The following MAML3 variants were observed in gnomAD, a reference collection of about 807,000 sequenced individuals.
MAML3 encodes mastermind like transcriptional coactivator 3.
MAML3 carries 27 observed loss-of-function variants against 101.9 expected under a neutral mutation model. The observed-to-expected ratio is 0.27, with a 90% CI of 0.20 to 0.37. MAML3 has a LOEUF of 0.37. MAML3 is among the 10% of genes least tolerant of loss of function. The probability of loss-of-function intolerance (pLI) is 1.00; values close to 1 mark genes in which losing one functional copy is unlikely to be tolerated. For synonymous variants in MAML3, 501 were observed against 555.9 expected (o/e 0.90, Z 1.39); for missense variants, 1,316 against 1,444.9 (o/e 0.91, Z 1.45).
intron 2 of MAML3, among the ~76,000 whole-genome samples, chr4:139,747,280 G>C (rs1205203532): frequency 6.6e-6 from 1 of 152,172 alleles, no homozygotes; most frequent in African/African-American, 2.4e-5. Flanking sequence ...TGGGAGGAGG[G>C]AGAAGAGTGC....
At chr4:139,926,197 A>T (rs971143937) in intron 1 of MAML3, among the ~76,000 whole-genome samples, 2 of 152,252 alleles carry the variant, frequency 1.3e-5, no homozygotes, top group Admixed American at 1.3e-4. Context: ...ACAAGTGGAA[A>T]CAATAGATGT....
intron 2 of MAML3, among the ~76,000 whole-genome samples, chr4:139,811,411 G>A (rs1054597771): frequency 1.3e-5 from 2 of 152,136 alleles, no homozygotes; most frequent in Admixed American, 6.5e-5. Context: ...CTGGAGTTAC[G>A]GTCTGGATCT....
At position 139,755,826 on chromosome 4, in the gene MAML3, A is replaced by T. The variant is rs6831959; in HGVS notation, c.2080-25159T>A. Among the ~76,000 whole-genome samples, 237 of 152,076 alleles carry T rather than the reference A, an allele frequency of 1.6e-3. 4 individuals are homozygous for T. In the East Asian group the frequency reaches 0.038, roughly 25 times the overall value. Reference sequence around the variant, plus strand: ...TTGTATGAATTTTAGGCAATGGATCAAGATATGGCAACAGTTAAAATAAAA... The same window carrying T: ...TTGTATGAATTTTAGGCAATGGATCTAGATATGGCAACAGTTAAAATAAAA... On this transcript the variant is annotated intron_variant, in intron 2 of 4. Transcript: ENST00000509479.
At position 139,785,143 on chromosome 4, in the gene MAML3, T is replaced by C. The variant is rs1730283481; in HGVS notation, c.2080-54476A>G. On this transcript the variant is annotated intron_variant, in intron 2 of 4. Coordinates refer to ENST00000509479, the MANE Select transcript of MAML3 (RefSeq NM_018717.5). The surrounding 1 kb of genome is among the most constrained non-coding windows in gnomAD (Gnocchi z 4.3). Reference sequence around the variant, plus strand: ...CAAACACTCATGAGGCCAGGGCCGATACCTGGATTCCTAACTGACAGACAC... The same window carrying C: ...CAAACACTCATGAGGCCAGGGCCGACACCTGGATTCCTAACTGACAGACAC... 6.6e-6 allele frequency among the ~76,000 whole-genome samples: 1 copy of C among 152,222 alleles called. No homozygotes were observed. The highest frequency in any genetic ancestry group is 6.5e-5 in the Admixed American group (1 of 15,290).
intron 2 of MAML3, among the ~76,000 whole-genome samples, chr4:139,855,150 A>T (rs890831163): frequency 6.6e-6 from 1 of 152,218 alleles, no homozygotes; most frequent in Non-Finnish European, 1.5e-5. Context: ...GATTCATCAG[A>T]GGATGAATGG....
chr4:140,057,328 T>C (rs1302893350), intron 1 of MAML3, among the ~76,000 whole-genome samples: 1 of 152,120 alleles, frequency 6.6e-6, no homozygotes, highest in Non-Finnish European at 1.5e-5. Flanking sequence ...GCCAGAAGAT[T>C]TTTTTTTCTG....
intron 1 of MAML3, among the ~76,000 whole-genome samples, chr4:140,145,861 C>A (rs1036224718): frequency 5.5e-5 from 4 of 73,340 alleles, no homozygotes; most frequent in African/African-American, 1.6e-4. Context: ...CTGCGCCTGG[C>A]CTTTTTTTTC....
At chr4:139,732,149 A>T (rs1364316247) in intron 2 of MAML3, among the ~76,000 whole-genome samples, 1 of 152,226 alleles carries the variant, frequency 6.6e-6, no homozygotes, top group Admixed American at 6.5e-5. Flanking sequence ...AAATTTTTAA[A>T]TCCAAATTGG....
At chr4:140,001,227 C>T (rs1578637332) in intron 1 of MAML3, among the ~76,000 whole-genome samples, 1 of 152,278 alleles carries the variant, frequency 6.6e-6, no homozygotes. Context: ...GTTTTAGCCA[C>T]GTTCAGTTCT....
chr4:139,826,624 C>T lies in MAML3; in HGVS notation c.2079+62733G>A, dbSNP rs72730245. 6.8e-3 allele frequency among the ~76,000 whole-genome samples: 1,040 copies of T among 152,270 alleles called. 12 individuals carry two copies. Among genetic ancestry groups the T allele is most frequent in the South Asian group, 0.03 (143 of 4,818 alleles). ...GTTCCCTCAGACAACTATCTGCATA[C>T]GAACAGCCTGCGCAGAGGCTCCCTG... On this transcript the variant is annotated intron_variant, in intron 2 of 4. Coordinates refer to ENST00000509479, the MANE Select transcript of MAML3 (RefSeq NM_018717.5).
intron 1 of MAML3, among the ~76,000 whole-genome samples, chr4:140,049,300 C>T (rs959798595): frequency 2.0e-5 from 3 of 152,208 alleles, no homozygotes; most frequent in African/African-American, 7.2e-5. Context: ...GAGGAGGACC[C>T]ACCGGTCACA....
At chr4:139,859,343 G>A (rs1025597180) in intron 2 of MAML3, among the ~76,000 whole-genome samples, 1 of 151,204 alleles carries the variant, frequency 6.6e-6, no homozygotes, top group Non-Finnish European at 1.5e-5. Flanking sequence ...CCTCCTGCCG[G>A]AGTAGCATAG....
chr4:140,078,661 A>T (rs1460550470), intron 1 of MAML3, among the ~76,000 whole-genome samples: 1 of 152,244 alleles, frequency 6.6e-6, no homozygotes, highest in East Asian at 1.9e-4. Context: ...CCTGGAAAAG[A>T]GGGACTAGAG....
intron 2 of MAML3, among the ~76,000 whole-genome samples, chr4:139,757,044 C>T (rs1729670395): frequency 6.6e-6 from 1 of 152,286 alleles, no homozygotes; most frequent in South Asian, 2.1e-4. Flanking sequence ...CCTCTGTGTT[C>T]CTGGCCTCTG....
At chr4:139,796,118 T>C (rs2111097067) in intron 2 of MAML3, among the ~76,000 whole-genome samples, 1 of 152,312 alleles carries the variant, frequency 6.6e-6, no homozygotes, top group Admixed American at 6.5e-5. Flanking sequence ...GAATGCCATT[T>C]CTGTAATTTT....
intron 2 of MAML3, among the ~76,000 whole-genome samples, chr4:139,784,097 A>C (rs1191883285): frequency 1.3e-5 from 2 of 152,194 alleles, no homozygotes; most frequent in Non-Finnish European, 2.9e-5. Context: ...GCAAGAGAAG[A>C]AAAAAGAAGA....
At chr4:139,837,135 A>G (rs1475018275) in intron 2 of MAML3, among the ~76,000 whole-genome samples, 16 of 150,524 alleles carry the variant, frequency 1.1e-4, no homozygotes, top group African/African-American at 3.4e-4. Context: ...AAAAAAAAAA[A>G]AAAAGAAAAG....
chr4:140,030,725 C>A (rs1726893953), intron 1 of MAML3, among the ~76,000 whole-genome samples: 1 of 152,208 alleles, frequency 6.6e-6, no homozygotes, highest in Non-Finnish European at 1.5e-5. Context: ...GCACACACTT[C>A]CAAATGCTGC....
At chr4:139,919,271 T>C (rs1234441072) in intron 1 of MAML3, among the ~76,000 whole-genome samples, 1 of 152,228 alleles carries the variant, frequency 6.6e-6, no homozygotes, top group African/African-American at 2.4e-5. Context: ...GAAGGATCTC[T>C]CTAAGTCCCA....
Sources: gnomAD v4.1 joint callset for allele counts (sites outside exome capture counted in the v4.1 genomes callset) on GRCh38, gnomAD v4.1.1 for gene constraint, Gnocchi (gnomAD v3.1) non-coding constraint, MANE v1.5 for transcripts, NCBI Gene and HGNC (gene_info 2026-07-23, HGNC 2026-07-21) for gene names.